The following PUDP variants were observed in gnomAD, a reference collection of about 807,000 sequenced individuals.
The protein encoded by PUDP is pseudouridine-5'-phosphatase.
In PUDP, 8 loss-of-function variants were observed where a neutral mutation model predicts 9.4. The ratio of observed to expected loss-of-function variants is 0.85; its 90% confidence interval spans 0.50 to 1.53. PUDP has a LOEUF of 1.53. Ranked by LOEUF, PUDP falls within the 40% of genes most tolerant of loss-of-function variation. The pLI is 0.00. For missense variants in PUDP, 188 were observed against 189.7 expected (o/e 0.99, Z 0.05); for synonymous variants, 99 against 80.7 (o/e 1.23, Z -1.22).
chrX:7,123,114 T>C (rs1160845078), intron 1 of PUDP, among the ~76,000 whole-genome samples: 1 of 112,471 alleles, frequency 8.9e-6, no homozygotes, highest in African/African-American at 3.2e-5. Context: ...TAACACTTAT[T>C]TTTTATACTT....
intron 3 of PUDP, among the ~76,000 whole-genome samples, chrX:6,807,958 A>G (rs949702126): frequency 8.9e-6 from 1 of 112,114 alleles, no homozygotes; most frequent in East Asian, 2.8e-4. Flanking sequence ...ATGTTCATGG[A>G]GTGAATAGCC....
At chrX:6,810,605 C>T (rs1926127305) in intron 3 of PUDP, among the ~76,000 whole-genome samples, 1 of 111,503 alleles carries the variant, frequency 9.0e-6, no homozygotes, top group South Asian at 3.8e-4. Context: ...TATGAATTCC[C>T]AAAATGCTCC....
At chrX:7,055,422 T>G (rs1251700989) in intron 3 of PUDP, among the ~76,000 whole-genome samples, 1 of 110,087 alleles carries the variant, frequency 9.1e-6, no homozygotes, top group East Asian at 2.9e-4. Flanking sequence ...CGGCTAATTT[T>G]TTTTTGTATT....
chrX:6,732,261 G>T lies in PUDP; in HGVS notation c.*248-25795C>A, dbSNP rs552426589. Among the ~76,000 whole-genome samples, 6 of 109,790 alleles carry T rather than the reference G, an allele frequency of 5.5e-5. No individual in the cohort carries two copies. In the South Asian group the frequency reaches 2.3e-3, roughly 42 times the overall value. The stretch of plus-strand genomic sequence containing the variant: ...ATTCTGGGCTCCCAAAGATAGATTT[G>T]CCCTCTCTGCTTTGCATTTTCGTGT... On this transcript the variant is annotated intron_variant and NMD_transcript_variant, in intron 3 of 3. Coordinates refer to the PUDP transcript ENST00000655425.
intron 2 of PUDP, among the ~76,000 whole-genome samples, chrX:7,084,221 T>C (rs1347198128): frequency 3.6e-5 from 4 of 112,201 alleles, no homozygotes; most frequent in African/African-American, 6.5e-5. Context: ...AGCAGCTGGC[T>C]GCAGTTATTG....
chrX:6,916,239 CACACACACA>C lies in PUDP; in HGVS notation c.*247+60885_*247+60893del, dbSNP rs1569122785. 4.3e-3 allele frequency among the ~76,000 whole-genome samples: 363 copies of C among 84,262 alleles called. 7 individuals are homozygous for C. Among genetic ancestry groups the C allele is most frequent in the African/African-American group, 0.017 (347 of 20,637 alleles). 73.2% of individuals were successfully genotyped at this position (84,262 alleles called of 115,157 possible). A position where few individuals can be genotyped will look rare whatever the true frequency, so the allele number is the denominator to read the frequency against. On this transcript the variant is annotated intron_variant and NMD_transcript_variant, in intron 3 of 3. Coordinates refer to the PUDP transcript ENST00000655425. ...ACACACACACACACACACACACACA[CACACACACA>C]CCCTGGGGAACTGGTAAATTTGGGG...
intron 3 of PUDP, among the ~76,000 whole-genome samples, chrX:6,934,954 C>T (rs2146772698): frequency 1.3e-5 from 1 of 78,976 alleles, no homozygotes; most frequent in African/African-American, 4.8e-5. Flanking sequence ...ATATATGCAC[C>T]CAATACAGGA....
At chrX:7,098,312 C>G (rs1174924790) in intron 2 of PUDP, among the ~76,000 whole-genome samples, 8 of 112,023 alleles carry the variant, frequency 7.1e-5, no homozygotes, top group Admixed American at 1.9e-4. Context: ...GAGGACTGCT[C>G]CTTGCTTCAA....
chrX:7,026,523 C>A (rs1042475457), intron 1 of PUDP, among the ~76,000 whole-genome samples: 3 of 112,163 alleles, frequency 2.7e-5, no homozygotes, highest in African/African-American at 9.7e-5. Context: ...CCAGCATCCA[C>A]CCAGCGTGCC....
chrX:6,933,422 G>GTCCTGTCTGTTAGAAGGAAAACTAAC (rs1928238514), intron 3 of PUDP, among the ~76,000 whole-genome samples: 1 of 111,362 alleles, frequency 9.0e-6, no homozygotes, highest in Non-Finnish European at 1.9e-5. Context: ...GCAGCTGAGG[G>GTCCTGTCTGTTAGAAGGAAAACTAAC]TCCTGTCTGT....
intron 3 of PUDP, among the ~76,000 whole-genome samples, chrX:6,891,097 C>T (rs1013163913): frequency 9.1e-6 from 1 of 109,943 alleles, no homozygotes; most frequent in African/African-American, 3.3e-5. Context: ...CCTGGGGACA[C>T]AGAGAGAACC....
chrX:6,874,115 C>G (rs1334550350), intron 3 of PUDP, among the ~76,000 whole-genome samples: 1 of 103,499 alleles, frequency 9.7e-6, no homozygotes, highest in Non-Finnish European at 2.0e-5. Context: ...GCCTGGGCAC[C>G]AGAGAGAGAC....
intron 3 of PUDP, among the ~76,000 whole-genome samples, chrX:6,956,320 G>A (rs966284944): frequency 5.4e-5 from 6 of 110,969 alleles, no homozygotes; most frequent in South Asian, 3.8e-4. Context: ...CACCACGCCC[G>A]GCCACTACTA....
chrX:6,943,689 A>C (rs1268065134), intron 3 of PUDP, among the ~76,000 whole-genome samples: 3 of 111,692 alleles, frequency 2.7e-5, no homozygotes, highest in Non-Finnish European at 5.6e-5. Context: ...TGTTATCTGT[A>C]CTCACAATAT....
At chrX:6,917,882 A>G in intron 3 of PUDP, among the ~76,000 whole-genome samples, 1 of 112,107 alleles carries the variant, frequency 8.9e-6, no homozygotes, top group Middle Eastern at 4.6e-3. Flanking sequence ...ACATAAAGAG[A>G]TAATGTGGCG....
At chrX:7,124,988 A>C (rs750659067) in intron 1 of PUDP, among the ~76,000 whole-genome samples, 1 of 105,600 alleles carries the variant, frequency 9.5e-6, no homozygotes, top group South Asian at 4.4e-4. Flanking sequence ...TTTTTCCCTC[A>C]TCGGGCTACT....
chrX:6,779,215 G>A (rs1602615937), intron 3 of PUDP, among the ~76,000 whole-genome samples: 1 of 111,496 alleles, frequency 9.0e-6, no homozygotes, highest in South Asian at 3.9e-4. Flanking sequence ...GCTCCAGAAT[G>A]GCCTTTATTT....
chrX:6,898,869 G>C (rs755290342), intron 3 of PUDP, among the ~76,000 whole-genome samples: 8 of 111,530 alleles, frequency 7.2e-5, no homozygotes, highest in African/African-American at 9.8e-5. Context: ...TTAGCTTTTG[G>C]GCCATAACTG....
chrX:6,759,359 T>C, intron 3 of PUDP, among the ~76,000 whole-genome samples: 1 of 112,472 alleles, frequency 8.9e-6, no homozygotes, highest in Middle Eastern at 4.6e-3. Context: ...CATTATGCCA[T>C]GAATTTATAG....
Sources: allele counts gnomAD v4.1 joint callset (sites outside exome capture counted in the v4.1 genomes callset), GRCh38; gene constraint gnomAD v4.1.1; transcripts MANE v1.5; gene names NCBI Gene and HGNC (gene_info 2026-07-23, HGNC 2026-07-21).